Variants in ZCCHC24 observed in about 807,000 individuals in gnomAD.
ZCCHC24 encodes the protein zinc finger CCHC domain-containing protein 24.
In ZCCHC24, 10 loss-of-function variants were observed where a neutral mutation model predicts 26.2. The observed-to-expected ratio is 0.38, with a 90% CI of 0.24 to 0.65. The LOEUF is 0.65. Ranked by LOEUF, ZCCHC24 falls within the 30% of genes least tolerant of loss-of-function variation. ZCCHC24 has a pLI of 0.54. For missense variants in ZCCHC24, 243 were observed against 329.1 expected (o/e 0.74, Z 2.03); for synonymous variants, 144 against 147.1 (o/e 0.98, Z 0.15).
At chr10:79,420,142 A>G (rs911630561) in intron 2 of ZCCHC24, among the ~76,000 whole-genome samples, 3 of 149,388 alleles carry the variant, frequency 2.0e-5, no homozygotes, top group Non-Finnish European at 4.4e-5. Context: ...CCTGGGCCAT[A>G]GGGGAACTGA....
intron 3 of ZCCHC24, among the ~76,000 whole-genome samples, chr10:79,390,757 G>A (rs1382553156): frequency 6.6e-6 from 1 of 152,242 alleles, no homozygotes; most frequent in Non-Finnish European, 1.5e-5. Flanking sequence ...TCTTCTTGAG[G>A]GGACCGGAGT....
chr10:79,402,147 T>C (rs1241266614), intron 2 of ZCCHC24, among the ~76,000 whole-genome samples: 1 of 152,228 alleles, frequency 6.6e-6, no homozygotes, highest in Non-Finnish European at 1.5e-5. Context: ...AGAAGGTCCC[T>C]GGTCATTCTC....
At chr10:79,404,665 G>C (rs1284647823) in intron 2 of ZCCHC24, among the ~76,000 whole-genome samples, 1 of 152,050 alleles carries the variant, frequency 6.6e-6, no homozygotes, top group Non-Finnish European at 1.5e-5. Context: ...CCTTTCTTCC[G>C]ACTGCACCTC....
intron 2 of ZCCHC24, among the ~76,000 whole-genome samples, chr10:79,401,504 G>T (rs1186732678): frequency 6.6e-6 from 1 of 152,174 alleles, no homozygotes; most frequent in African/African-American, 2.4e-5. Context: ...ACCTAACGTG[G>T]GCTCACTTTC....
At chr10:79,414,794 A>G (rs1024828198) in intron 2 of ZCCHC24, among the ~76,000 whole-genome samples, 56 of 152,302 alleles carry the variant, frequency 3.7e-4, no homozygotes, top group African/African-American at 1.3e-3. Context: ...AATTTCTAGC[A>G]CCAAAAACCA....
intron 1 of ZCCHC24, among the ~76,000 whole-genome samples, chr10:79,437,897 G>A (rs1034300320): frequency 6.6e-6 from 1 of 152,234 alleles, no homozygotes; most frequent in African/African-American, 2.4e-5. Context: ...GTTAGGGCAG[G>A]AGGGTAGAAG....
At chr10:79,417,433 C>A (rs950281683) in intron 2 of ZCCHC24, among the ~76,000 whole-genome samples, 2 of 152,188 alleles carry the variant, frequency 1.3e-5, no homozygotes, top group African/African-American at 4.8e-5. Context: ...CCTCCTGCAG[C>A]CTGATTTCTG....
chr10:79,419,116 C>T (rs1041195830), intron 2 of ZCCHC24, among the ~76,000 whole-genome samples: 6 of 152,166 alleles, frequency 3.9e-5, no homozygotes, highest in Non-Finnish European at 8.8e-5. Flanking sequence ...AGAGGGGCTC[C>T]GGTGGGTGTT....
intron 2 of ZCCHC24, among the ~76,000 whole-genome samples, chr10:79,398,681 C>T (rs1856581352): frequency 6.6e-6 from 1 of 152,156 alleles, no homozygotes. Flanking sequence ...CATGGAAGGA[C>T]CACGCTGCAG....
intron 2 of ZCCHC24, among the ~76,000 whole-genome samples, chr10:79,419,978 A>G (rs2132204126): frequency 6.6e-6 from 1 of 152,160 alleles, no homozygotes. Flanking sequence ...TGGCCCTCCT[A>G]GGCTCTTTCC....
chr10:79,390,660 G>T (rs998792339), intron 3 of ZCCHC24, among the ~76,000 whole-genome samples: 1 of 152,226 alleles, frequency 6.6e-6, no homozygotes, highest in South Asian at 2.1e-4. Flanking sequence ...ATTCCCCTCG[G>T]CAGACGGAAA....
At chr10:79,406,518 G>A (rs544264872) in intron 2 of ZCCHC24, among the ~76,000 whole-genome samples, 1 of 152,270 alleles carries the variant, frequency 6.6e-6, no homozygotes, top group Admixed American at 6.5e-5. Flanking sequence ...CCCCAAAGGC[G>A]AGGGTGTTCT....
chr10:79,396,845 G>A (rs559255322), intron 2 of ZCCHC24, among the ~76,000 whole-genome samples: 160 of 152,284 alleles, frequency 1.1e-3, no homozygotes, highest in Non-Finnish European at 1.8e-3. Context: ...CTGTGATCTT[G>A]GGCAAGTTAC....
intron 2 of ZCCHC24, among the ~76,000 whole-genome samples, chr10:79,414,899 A>C (rs1856840033): frequency 6.6e-6 from 1 of 152,236 alleles, no homozygotes; most frequent in South Asian, 2.1e-4. Context: ...ACACATAGGG[A>C]AACAGAGACT....
intron 1 of ZCCHC24, 29 bp downstream of exon 1, chr10:79,445,166 G>A (rs1481837623): frequency 1.6e-6 from 2 of 1,269,806 alleles, no homozygotes; most frequent in Non-Finnish European, 2.0e-6. Flanking sequence ...GCGGTGGGGC[G>A]GTGGGCGGGG....
At chr10:79,401,601 C>T (rs1222567888) in intron 2 of ZCCHC24, among the ~76,000 whole-genome samples, 1 of 152,236 alleles carries the variant, frequency 6.6e-6, no homozygotes, top group East Asian at 1.9e-4. Flanking sequence ...CCGCTGTTCT[C>T]ATGGGTCCTG....
intron 2 of ZCCHC24, among the ~76,000 whole-genome samples, chr10:79,427,617 TAA>T (rs34777821): frequency 0.086 from 12,644 of 147,604 alleles, 726 homozygotes; most frequent in African/African-American, 0.16. Context: ...ACAAGGGAAA[TAA>T]AAAAAAAAAA....
At chr10:79,439,899 C>G (rs1589681522) in intron 1 of ZCCHC24, among the ~76,000 whole-genome samples, 1 of 152,054 alleles carries the variant, frequency 6.6e-6, no homozygotes, top group Non-Finnish European at 1.5e-5. Context: ...CCAAGTAAAA[C>G]CCCTCAGAGA....
chr10:79,432,609 G>A lies in ZCCHC24; in HGVS notation c.396C>T (p.Tyr132=). ...RKPSKRPPPN[Y]LCHLCFNKGH... is the part of the protein sequence containing the mutation. ...CTTTGTTGAAGCACAGGTGGCACAG[G>A]TAGTTGGGTGGGGGCCGCTTGCTGG... is the stretch of plus-strand genomic sequence containing the variant. Residue 132 remains tyrosine (Y), a synonymous_variant, in exon 2 of 4, where the codon TAC becomes TAT. Coordinates refer to ENST00000372336, the MANE Select transcript of ZCCHC24 (RefSeq NM_153367.4). The A allele has an allele frequency of 6.2e-7, 1 of 1,608,552 alleles. No individual in the cohort carries two copies. The highest frequency in any genetic ancestry group is 2.2e-5 in the East Asian group (1 of 44,526).
Sources: gnomAD v4.1 joint callset for allele counts (sites outside exome capture counted in the v4.1 genomes callset) on GRCh38, gnomAD v4.1.1 for gene constraint, MANE v1.5 for transcripts, NCBI Gene and HGNC (gene_info 2026-07-23, HGNC 2026-07-21) for gene names.